Variants in NCKAP5 observed in about 807,000 individuals in gnomAD.
The protein encoded by NCKAP5 is NCK associated protein 5, also known as nck-associated protein 5.
Under a neutral mutation model 167.0 loss-of-function variants are expected in NCKAP5, and 92 were observed. The observed-to-expected ratio is 0.55, with a 90% CI of 0.47 to 0.66. NCKAP5 has a LOEUF of 0.66. Ranked by LOEUF, NCKAP5 falls within the 30% of genes least tolerant of loss-of-function variation. The probability of loss-of-function intolerance (pLI) is 0.00; values close to 1 mark genes in which losing one functional copy is unlikely to be tolerated. For synonymous variants in NCKAP5, 891 were observed against 877.4 expected (o/e 1.02, Z -0.27); for missense variants, 2,378 against 2,315.0 (o/e 1.03, Z -0.56).
intron 5 of NCKAP5, among the ~76,000 whole-genome samples, chr2:133,135,426 G>A (rs747494981): frequency 1.1e-4 from 16 of 152,072 alleles, no homozygotes; most frequent in Non-Finnish European, 1.6e-4. Flanking sequence ...GATAGACCAC[G>A]TAGGACCATG....
intron 5 of NCKAP5, among the ~76,000 whole-genome samples, chr2:133,170,009 C>T (rs555248548): frequency 6.6e-6 from 1 of 152,294 alleles, no homozygotes; most frequent in East Asian, 1.9e-4. Context: ...CAGACCCTGA[C>T]TTTCAGAACA....
At chr2:133,335,005 A>G (rs1387782823) in intron 3 of NCKAP5, among the ~76,000 whole-genome samples, 1 of 152,210 alleles carries the variant, frequency 6.6e-6, no homozygotes, top group East Asian at 1.9e-4. Context: ...AATGACACAC[A>G]TTTGCTGAGT....
At chr2:133,343,706 C>A (rs1366768608) in intron 3 of NCKAP5, among the ~76,000 whole-genome samples, 1 of 152,182 alleles carries the variant, frequency 6.6e-6, no homozygotes, top group Non-Finnish European at 1.5e-5. Context: ...TAAAGGACAT[C>A]CCAAGTTCCC....
At chr2:132,977,771 G>A (rs2077017661) in intron 7 of NCKAP5, among the ~76,000 whole-genome samples, 1 of 152,210 alleles carries the variant, frequency 6.6e-6, no homozygotes, top group African/African-American at 2.4e-5. Context: ...AGTACCTGCT[G>A]TCTCTAGTCA....
chr2:133,473,723 A>G (rs547898723), intron 3 of NCKAP5, among the ~76,000 whole-genome samples: 1 of 152,322 alleles, frequency 6.6e-6, no homozygotes, highest in South Asian at 2.1e-4. Context: ...TGTGGTTTCT[A>G]TCTGCTTTCA....
chr2:132,929,056 G>A (rs774310946), intron 8 of NCKAP5, among the ~76,000 whole-genome samples: 13 of 152,156 alleles, frequency 8.5e-5, no homozygotes, highest in Non-Finnish European at 1.8e-4. Flanking sequence ...GGTATCTGGA[G>A]GCAAACAGTG....
chr2:132,962,534 TGAGGTAG>T (rs2076545118), intron 8 of NCKAP5, among the ~76,000 whole-genome samples: 1 of 152,112 alleles, frequency 6.6e-6, no homozygotes, highest in African/African-American at 2.4e-5. Context: ...GTGGTAGATC[TGAGGTAG>T]AATTGCAGAA....
chr2:133,023,181 G>C (rs923774472), intron 6 of NCKAP5, among the ~76,000 whole-genome samples: 2 of 152,190 alleles, frequency 1.3e-5, no homozygotes, highest in Admixed American at 1.3e-4. Flanking sequence ...TGAGGGTAAA[G>C]ATTTGAGGTA....
intron 16 of NCKAP5, among the ~76,000 whole-genome samples, chr2:132,744,075 T>C (rs2105613904): frequency 6.6e-6 from 1 of 151,714 alleles, no homozygotes; most frequent in South Asian, 2.1e-4. Context: ...AGAGAAAATG[T>C]CAGATCTAAA....
intron 6 of NCKAP5, among the ~76,000 whole-genome samples, chr2:133,004,715 G>C (rs984432191): frequency 6.6e-6 from 1 of 152,168 alleles, no homozygotes; most frequent in African/African-American, 2.4e-5. Flanking sequence ...AACAGGGTTT[G>C]AGAGTAGACA....
intron 8 of NCKAP5, among the ~76,000 whole-genome samples, chr2:132,926,653 T>C (rs1468510470): frequency 1.3e-5 from 2 of 152,216 alleles, no homozygotes; most frequent in Admixed American, 6.5e-5. Flanking sequence ...TTTTCATTGC[T>C]TTTGGCCATT....
intron 6 of NCKAP5, among the ~76,000 whole-genome samples, chr2:133,063,760 G>T (rs770607912): frequency 2.0e-5 from 3 of 152,198 alleles, no homozygotes; most frequent in Non-Finnish European, 4.4e-5. Context: ...GCTGAGCAAA[G>T]TGAGTTACTA....
intron 3 of NCKAP5, among the ~76,000 whole-genome samples, chr2:133,421,323 T>C (rs537464004): frequency 6.6e-6 from 1 of 152,334 alleles, no homozygotes; most frequent in African/African-American, 2.4e-5. Context: ...CCTAATTCTT[T>C]TGTTACACAT....
intron 11 of NCKAP5, among the ~76,000 whole-genome samples, chr2:132,809,047 C>T (rs961941404): frequency 2.0e-5 from 3 of 151,982 alleles, no homozygotes; most frequent in Non-Finnish European, 4.4e-5. Context: ...CAGGAGCAGG[C>T]TATATCATTT....
chr2:133,586,216 T>A, the NCKAP5 span, among the ~76,000 whole-genome samples: 1 of 152,182 alleles, frequency 6.6e-6, no homozygotes, highest in Non-Finnish European at 1.5e-5. Context: ...AAGTGATCTC[T>A]AGGTATCTAA....
intron 11 of NCKAP5, among the ~76,000 whole-genome samples, chr2:132,824,183 T>C (rs1207685697): frequency 6.6e-6 from 1 of 152,208 alleles, no homozygotes; most frequent in Non-Finnish European, 1.5e-5. Flanking sequence ...CTTCAGCTTA[T>C]AGGGATTTAT....
intron 8 of NCKAP5, among the ~76,000 whole-genome samples, chr2:132,889,021 T>G (rs1486877652): frequency 2.0e-5 from 3 of 152,204 alleles, no homozygotes; most frequent in African/African-American, 7.2e-5. Flanking sequence ...CTTAGAACAC[T>G]TCTTATATGA....
chr2:133,287,996 A>T (rs571749928), intron 4 of NCKAP5, among the ~76,000 whole-genome samples: 1 of 152,264 alleles, frequency 6.6e-6, no homozygotes, highest in African/African-American at 2.4e-5. Context: ...TACAGAAAAA[A>T]CTTCCAGGAC....
intron 8 of NCKAP5, among the ~76,000 whole-genome samples, chr2:132,901,455 G>A (rs539403812): frequency 6.6e-6 from 1 of 152,282 alleles, no homozygotes; most frequent in Admixed American, 6.5e-5. Flanking sequence ...TTTTAAACCC[G>A]AGGAGACACT....
Sources: gnomAD v4.1 joint callset for allele counts (sites outside exome capture counted in the v4.1 genomes callset) on GRCh38, gnomAD v4.1.1 for gene constraint, MANE v1.5 for transcripts, NCBI Gene and HGNC (gene_info 2026-07-23, HGNC 2026-07-21) for gene names.